Variants in POLD3 observed in about 807,000 individuals in gnomAD.
POLD3 encodes DNA polymerase delta 3, accessory subunit.
Under a neutral mutation model 58.2 loss-of-function variants are expected in POLD3, and 19 were observed. That is an observed-to-expected ratio of 0.33 (90% CI 0.23 to 0.48). The LOEUF (loss-of-function observed/expected upper bound fraction) is 0.48, where lower values mean the gene tolerates loss of function less well. Among genes scored for constraint, POLD3 ranks in the 20% least tolerant of loss-of-function variants. The pLI is 0.99. For synonymous variants in POLD3, 172 were observed against 193.5 expected (o/e 0.89, Z 0.92); for missense variants, 504 against 545.5 (o/e 0.92, Z 0.76).
At chr11:74,638,916 T>A (rs550723761) in intron 11 of POLD3, among the ~76,000 whole-genome samples, 6 of 152,322 alleles carry the variant, frequency 3.9e-5, no homozygotes, top group African/African-American at 1.4e-4. Context: ...TTTATCAGTA[T>A]TTTTTAGCCT....
At chr11:74,608,492 T>C (rs1454878320) in intron 3 of POLD3, among the ~76,000 whole-genome samples, 1 of 152,188 alleles carries the variant, frequency 6.6e-6, no homozygotes. Flanking sequence ...TTCCCTGTTA[T>C]GCTAAGAACA....
Position 74,624,727 on chromosome 11 carries a change from G to A in POLD3, c.734-681G>A, listed in dbSNP as rs1263551580. On this transcript the variant is annotated intron_variant, in intron 7 of 11. Transcript: ENST00000263681. ...TAGTCATTCTTCAGCTTGGTGTAGGGAAAGGGTTAAGGACTTTGAGGAGTT... is the reference window on the plus strand; with the variant it reads ...TAGTCATTCTTCAGCTTGGTGTAGGAAAAGGGTTAAGGACTTTGAGGAGTT... Among the ~76,000 whole-genome samples the A allele has an allele frequency of 2.6e-5, 4 of 152,118 alleles. No homozygotes were observed. The East Asian group carries it at 7.7e-4, about 29-fold the overall frequency.
chr11:74,661,404 A>G (rs2033204997), intron 4 of POLD3, among the ~76,000 whole-genome samples: 1 of 152,212 alleles, frequency 6.6e-6, no homozygotes, highest in Non-Finnish European at 1.5e-5. Context: ...TCTGAGCTGT[A>G]CTGCATTAGG....
chr11:74,592,616 G>C lies in POLD3; in HGVS notation c.-43G>C. The stretch of plus-strand genomic sequence containing the variant: ...TCCCGCCGGCGGGAGCTGTGGCTGT[G>C]ATTGAGAGAGGGGTTAGAGGCGGGT... On this transcript the variant is annotated 5_prime_UTR_variant, in exon 1 of 12. Transcript: ENST00000263681. 1 of 1,611,240 alleles carries C rather than the reference G, an allele frequency of 6.2e-7. No individual in the cohort carries two copies.
At chr11:74,604,889 G>A in intron 3 of POLD3, 95 bp downstream of exon 3, 1 of 693,602 alleles carries the variant, frequency 1.4e-6, no homozygotes, top group Non-Finnish European at 2.5e-6. Context: ...TCAAGATTCT[G>A]TGTTATAGTA....
At chr11:74,625,785 A>AC (rs2032414219) in intron 8 of POLD3, among the ~76,000 whole-genome samples, 1 of 151,852 alleles carries the variant, frequency 6.6e-6, no homozygotes, top group Admixed American at 6.6e-5. Context: ...TGATTTAAGG[A>AC]CCAAAGTCGT....
intron 4 of POLD3, among the ~76,000 whole-genome samples, chr11:74,667,660 A>T (rs766756190): frequency 6.6e-5 from 10 of 152,248 alleles, no homozygotes; most frequent in Non-Finnish European, 1.5e-4. Context: ...CTCTTAGAAG[A>T]AAGCAGGGGT....
At chr11:74,645,572 C>T (rs2032988566), downstream of POLD3, among the ~76,000 whole-genome samples, 1 of 152,216 alleles carries the variant, frequency 6.6e-6, no homozygotes. Context: ...GATATGCATC[C>T]TCTCTGAACT....
chr11:74,612,464 T>C (rs1045593285), intron 4 of POLD3, among the ~76,000 whole-genome samples: 3 of 152,206 alleles, frequency 2.0e-5, no homozygotes, highest in Non-Finnish European at 4.4e-5. Flanking sequence ...GTAGTGTTTT[T>C]ATTACAGAGT....
At chr11:74,653,246 A>G (rs2135194667) in intron 4 of POLD3, among the ~76,000 whole-genome samples, 1 of 152,294 alleles carries the variant, frequency 6.6e-6, no homozygotes. Flanking sequence ...AGTGGTGAGG[A>G]TCTTATTTTA....
chr11:74,646,767 G>A (rs1365714701), downstream of POLD3, among the ~76,000 whole-genome samples: 2 of 152,186 alleles, frequency 1.3e-5, no homozygotes, highest in East Asian at 1.9e-4. Context: ...GTCCTGGGGT[G>A]CTTGCAAGTG....
intron 7 of POLD3, among the ~76,000 whole-genome samples, chr11:74,624,006 T>C (rs896897065): frequency 6.6e-6 from 1 of 152,232 alleles, no homozygotes; most frequent in Non-Finnish European, 1.5e-5. Context: ...CTGTAATTGG[T>C]AAACTCAATG....
At chr11:74,606,987 C>T (rs1252600467) in intron 3 of POLD3, among the ~76,000 whole-genome samples, 1 of 151,830 alleles carries the variant, frequency 6.6e-6, no homozygotes, top group South Asian at 2.1e-4. Context: ...ATTTCAGAGC[C>T]CTGGACCTGC....
In POLD3 at chr11:74,609,727, CTCTT is replaced by C. The variant is rs561404142; in HGVS notation, c.220-1770_220-1767del. The stretch of plus-strand genomic sequence containing the variant: ...AAGAAAATATATATTCATTTTGCCT[CTCTT>C]TGTTAGATAAATGTTTTCATACGTG... On this transcript the variant is annotated intron_variant, in intron 3 of 11. Transcript: ENST00000263681. 3.7e-3 allele frequency among the ~76,000 whole-genome samples: 557 copies of C among 152,190 alleles called. 5 individuals carry two copies. The highest frequency in any genetic ancestry group is 0.013 in the African/African-American group (542 of 41,504).
intron 3 of POLD3, among the ~76,000 whole-genome samples, chr11:74,605,132 A>G (rs2031632056): frequency 6.6e-6 from 1 of 152,226 alleles, no homozygotes; most frequent in Admixed American, 6.5e-5. Context: ...CCATGAATAC[A>G]AGTGTTCAAA....
intron 11 of POLD3, among the ~76,000 whole-genome samples, chr11:74,637,435 C>CTTTTTTTTTTTTTTTTTTTTTTTCT (rs5792663): frequency 1.7e-5 from 2 of 115,474 alleles, no homozygotes; most frequent in African/African-American, 3.4e-5. Context: ...CTTTTTCTTC[C>CTTTTTTTTTTTTTTTTTTTTTTTCT]TTTTTTTTTT....
intron 4 of POLD3, among the ~76,000 whole-genome samples, chr11:74,664,021 A>G (rs957374656): frequency 7.2e-5 from 11 of 152,236 alleles, no homozygotes; most frequent in Admixed American, 2.0e-4. Flanking sequence ...CCAATGGCCA[A>G]TAAGCACATG....
intron 3 of POLD3, among the ~76,000 whole-genome samples, chr11:74,610,428 C>T (rs1565115901): frequency 6.6e-6 from 1 of 152,104 alleles, no homozygotes; most frequent in Non-Finnish European, 1.5e-5. Flanking sequence ...CGAGGGAGGT[C>T]TCCATCTCTT....
chr11:74,663,140 T>A (rs7125505), intron 4 of POLD3, among the ~76,000 whole-genome samples: 29,044 of 152,134 alleles, frequency 0.19, 3,425 homozygotes, highest in African/African-American at 0.32. Flanking sequence ...TGTAAATAGT[T>A]GTTAAAATTT....
Sources: allele counts gnomAD v4.1 joint callset (sites outside exome capture counted in the v4.1 genomes callset), GRCh38; gene constraint gnomAD v4.1.1; transcripts MANE v1.5; gene names NCBI Gene and HGNC (gene_info 2026-07-23, HGNC 2026-07-21).